RAP2A: variants seen among roughly 807,000 people sequenced by gnomAD.
RAP2A encodes the protein RAP2A, member of RAS oncogene family, also known as ras-related protein Rap-2a.
Under a neutral mutation model 15.1 loss-of-function variants are expected in RAP2A, and 5 were observed. That is an observed-to-expected ratio of 0.33 (90% CI 0.17 to 0.70). The LOEUF (loss-of-function observed/expected upper bound fraction) is 0.70, where lower values mean the gene tolerates loss of function less well. Ranked by LOEUF, RAP2A falls within the 30% of genes least tolerant of loss-of-function variation. The pLI, the probability that RAP2A is intolerant of heterozygous loss-of-function variation, is 0.68. For synonymous variants in RAP2A, 110 were observed against 99.7 expected, an observed-to-expected ratio of 1.10 and a Z score of -0.62; for missense variants, 111 against 240.3, an observed-to-expected ratio of 0.46 and a Z score of 3.56.
chr13:97,440,980 G>A (rs2066655353), intron 1 of RAP2A, among the ~76,000 whole-genome samples: 1 of 152,152 alleles, frequency 6.6e-6, no homozygotes. Context: ...ATCACTTTAT[G>A]TGGCCCAGAA....
chr13:97,436,639 T>G (rs940053135), intron 1 of RAP2A, among the ~76,000 whole-genome samples: 1 of 152,218 alleles, frequency 6.6e-6, no homozygotes, highest in African/African-American at 2.4e-5. Context: ...TGCAGATTAC[T>G]TTTCTCAGTT....
chr13:97,439,906 A>G (rs1012763063), intron 1 of RAP2A, among the ~76,000 whole-genome samples: 3 of 152,050 alleles, frequency 2.0e-5, no homozygotes, highest in Non-Finnish European at 4.4e-5. Context: ...TTTTTTTTTA[A>G]GATTATTATT....
At position 97,467,346 on chromosome 13, in the gene RAP2A, T is replaced by C. The variant is rs2066776595; in HGVS notation, c.*2904T>C. On this transcript the variant is annotated 3_prime_UTR_variant, in exon 2 of 2. Transcript: ENST00000245304. ...AACTATTGAAAGGTGCTTTGATGAT[T>C]TTCTCCTTTGGTTTGTAGAATTAGG... 2 of 152,624 alleles carry C rather than the reference T, an allele frequency of 1.3e-5. No homozygotes were observed. The highest frequency in any genetic ancestry group is 2.1e-4 in the South Asian group (1 of 4,832). The allele number at this position is 152,624 out of a possible 1,614,324, so 9.5% of individuals were successfully genotyped here.
At chr13:97,448,990 T>C (rs922468479) in intron 1 of RAP2A, among the ~76,000 whole-genome samples, 8 of 152,124 alleles carry the variant, frequency 5.3e-5, no homozygotes, top group Non-Finnish European at 1.0e-4. Flanking sequence ...TCGCATGTTA[T>C]GGTAATGAAG....
At chr13:97,462,996 G>A (rs1365270657) in intron 1 of RAP2A, among the ~76,000 whole-genome samples, 4 of 113,664 alleles carry the variant, frequency 3.5e-5, no homozygotes, top group Non-Finnish European at 8.0e-5. Flanking sequence ...ACCATGGGGT[G>A]GTTTTCTCTT....
intron 1 of RAP2A, among the ~76,000 whole-genome samples, chr13:97,461,425 T>C (rs1367175827): frequency 2.6e-5 from 4 of 152,238 alleles, no homozygotes; most frequent in Non-Finnish European, 4.4e-5. Context: ...AAACAGGTCC[T>C]CTGATACTGA....
At chr13:97,464,114 G>T in intron 1 of RAP2A, 91 bp from the exon 2 acceptor site, 1 of 1,116,666 alleles carries the variant, frequency 9.0e-7, no homozygotes, top group Non-Finnish European at 1.3e-6. Flanking sequence ...CATTTATGTT[G>T]GAATAGCCCC....
chr13:97,462,381 TC>T (rs2066751734), intron 1 of RAP2A, among the ~76,000 whole-genome samples: 1 of 152,162 alleles, frequency 6.6e-6, no homozygotes, highest in Non-Finnish European at 1.5e-5. Flanking sequence ...CTGCCAAGCT[TC>T]TCTGTATAGC....
chr13:97,436,067 C>G lies in RAP2A; in HGVS notation c.314+1283C>G, dbSNP rs768638010. ...GGCTCTCTCTCTATTGCTCCACCCC[C>G]CCTTAACTGAGTATGCACTTTAATC... On this transcript the variant is annotated intron_variant, in intron 1 of 1. Coordinates refer to ENST00000245304, the MANE Select transcript of RAP2A (RefSeq NM_021033.7). 1.7e-4 allele frequency: 26 copies of G among 152,174 alleles called. 1 individual carries two copies. Among genetic ancestry groups the G allele is most frequent in the Non-Finnish European group, 2.8e-4 (19 of 68,034 alleles). 9.4% of individuals were successfully genotyped at this position (152,174 alleles called of 1,614,324 possible). A position where few individuals can be genotyped will look rare whatever the true frequency, so the allele number is the denominator to read the frequency against.
chr13:97,442,340 A>G (rs1424043130), intron 1 of RAP2A, among the ~76,000 whole-genome samples: 1 of 152,144 alleles, frequency 6.6e-6, no homozygotes, highest in Non-Finnish European at 1.5e-5. Flanking sequence ...TTAAGATTTT[A>G]AAACATACCA....
chr13:97,458,633 C>T (rs948823482), intron 1 of RAP2A, among the ~76,000 whole-genome samples: 1 of 152,160 alleles, frequency 6.6e-6, no homozygotes, highest in African/African-American at 2.4e-5. Context: ...TTTAGATTAA[C>T]TAGCTCTGGA....
chr13:97,439,623 G>A (rs897977596), intron 1 of RAP2A, among the ~76,000 whole-genome samples: 1 of 152,154 alleles, frequency 6.6e-6, no homozygotes, highest in Admixed American at 6.5e-5. Flanking sequence ...AGCCTGAAAG[G>A]TCAGGTTATG....
chr13:97,457,625 A>G (rs2066728965), intron 1 of RAP2A, among the ~76,000 whole-genome samples: 1 of 152,038 alleles, frequency 6.6e-6, no homozygotes, highest in Admixed American at 6.6e-5. Flanking sequence ...TATTTATTAA[A>G]ATGGAAAGCT....
chr13:97,449,857 C>G (rs1159921752), intron 1 of RAP2A, among the ~76,000 whole-genome samples: 2 of 152,138 alleles, frequency 1.3e-5, no homozygotes, highest in Non-Finnish European at 2.9e-5. Flanking sequence ...GAAGGTACTC[C>G]TCTTCCTCTT....
Position 97,465,252 on chromosome 13 carries a change from T to C in RAP2A, c.*810T>C, listed in dbSNP as rs1023053364. 1 of 152,644 alleles carries C rather than the reference T, an allele frequency of 6.6e-6. No individual in the cohort carries two copies. Among genetic ancestry groups the C allele is most frequent in the Non-Finnish European group, 1.5e-5 (1 of 68,042 alleles). The allele number at this position is 152,644 out of a possible 1,614,324, so 9.5% of individuals were successfully genotyped here. The stretch of plus-strand genomic sequence containing the variant: ...CTGAACAAGAGGGAAGCAACTGTGA[T>C]GGGAAGAGATTACCTAGCCTTACTA... On this transcript the variant is annotated 3_prime_UTR_variant, in exon 2 of 2. Coordinates refer to ENST00000245304, the MANE Select transcript of RAP2A (RefSeq NM_021033.7).
intron 1 of RAP2A, among the ~76,000 whole-genome samples, chr13:97,444,007 G>A (rs1221720256): frequency 6.6e-6 from 1 of 152,094 alleles, no homozygotes; most frequent in African/African-American, 2.4e-5. Context: ...ACAGAAATAG[G>A]AATGAAACCC....
rs1388241157 is a variant in RAP2A, at chr13:97,465,978, G to A, written c.*1536G>A. On this transcript the variant is annotated 3_prime_UTR_variant, in exon 2 of 2. Transcript: ENST00000245304. Reference sequence around the variant, plus strand: ...CACAGTCTTGTGCAAGTAACCTCTGGTCTTACGTGTGTAACTGAGAGAAGA... The same window carrying A: ...CACAGTCTTGTGCAAGTAACCTCTGATCTTACGTGTGTAACTGAGAGAAGA... 6.6e-6 allele frequency: 1 copy of A among 152,050 alleles called. No individual in the cohort carries two copies. The highest frequency in any genetic ancestry group is 6.6e-5 in the Admixed American group (1 of 15,260). The allele number at this position is 152,050 out of a possible 1,614,324, so 9.4% of individuals were successfully genotyped here.
intron 1 of RAP2A, among the ~76,000 whole-genome samples, chr13:97,437,949 G>A (rs529407964): frequency 2.0e-5 from 3 of 152,176 alleles, no homozygotes; most frequent in African/African-American, 7.2e-5. Flanking sequence ...ACTCCCTTAA[G>A]TGTCTGTAAG....
chr13:97,434,357 G>C lies in RAP2A; in HGVS notation c.-114G>C. 5 of 865,994 alleles carry C rather than the reference G, an allele frequency of 5.8e-6. No homozygotes were observed. Among genetic ancestry groups the C allele is most frequent in the Non-Finnish European group, 6.9e-6 (5 of 723,728 alleles). 53.6% of individuals were successfully genotyped at this position (865,994 alleles called of 1,614,324 possible). On this transcript the variant is annotated 5_prime_UTR_variant, in exon 1 of 2. Transcript: ENST00000245304. Reference sequence around the variant, plus strand: ...GGGGGCCGCCGCGGCTGTGAGGTGGGGGCGGCAGCGGGAGGCGGCGGGGCG... The same window carrying C: ...GGGGGCCGCCGCGGCTGTGAGGTGGCGGCGGCAGCGGGAGGCGGCGGGGCG...
Sources: gnomAD v4.1 joint callset for allele counts (sites outside exome capture counted in the v4.1 genomes callset) on GRCh38, gnomAD v4.1.1 for gene constraint, MANE v1.5 for transcripts, NCBI Gene and HGNC (gene_info 2026-07-23, HGNC 2026-07-21) for gene names.